The following RBFOX1 variants were observed in gnomAD, a reference collection of about 807,000 sequenced individuals.
RBFOX1 encodes the protein RNA binding protein fox-1 homolog 1.
RBFOX1 carries 8 observed loss-of-function variants against 57.7 expected under a neutral mutation model. The observed-to-expected ratio is 0.14, with a 90% CI of 0.08 to 0.25. The LOEUF is 0.25. RBFOX1 is among the 10% of genes least tolerant of loss of function. RBFOX1 has a pLI of 1.00. For synonymous variants in RBFOX1, 326 were observed against 222.4 expected (o/e 1.47, Z -4.15); for missense variants, 611 against 548.5 (o/e 1.11, Z -1.14).
At chr16:5,280,933 C>T (rs1413821226) in intron 1 of RBFOX1, among the ~76,000 whole-genome samples, 1 of 118,788 alleles carries the variant, frequency 8.4e-6, no homozygotes, top group African/African-American at 3.3e-5. Flanking sequence ...GTCTCTGTTG[C>T]ATTTGGTTCT....
intron 2 of RBFOX1, among the ~76,000 whole-genome samples, chr16:6,506,342 A>G (rs1239410025): frequency 6.6e-6 from 1 of 152,078 alleles, no homozygotes; most frequent in African/African-American, 2.4e-5. Context: ...CCAGACACTC[A>G]GATCTATGGG....
At chr16:5,916,843 C>T (rs936985901) in intron 4 of RBFOX1, among the ~76,000 whole-genome samples, 1 of 152,102 alleles carries the variant, frequency 6.6e-6, no homozygotes, top group Non-Finnish European at 1.5e-5. Flanking sequence ...ATCCTCTTAG[C>T]CAGGAGAGAG....
intron 2 of RBFOX1, among the ~76,000 whole-genome samples, chr16:6,445,710 G>A (rs2153035278): frequency 6.6e-6 from 1 of 152,086 alleles, no homozygotes; most frequent in East Asian, 1.9e-4. Flanking sequence ...AGCCTCCCGA[G>A]TAGCTGGGAC....
intron 3 of RBFOX1, among the ~76,000 whole-genome samples, chr16:6,855,829 C>G (rs1047627608): frequency 3.3e-5 from 5 of 150,916 alleles, no homozygotes; most frequent in African/African-American, 4.9e-5. Context: ...CTCCTTCCCT[C>G]CCTCCTTCCC....
intron 4 of RBFOX1, among the ~76,000 whole-genome samples, chr16:7,216,903 C>T (rs1455709559): frequency 6.6e-6 from 1 of 151,910 alleles, no homozygotes; most frequent in East Asian, 1.9e-4. Flanking sequence ...CATTACTTTC[C>T]CATTTTATAC....
intron 1 of RBFOX1, among the ~76,000 whole-genome samples, chr16:5,367,449 C>T (rs1283316207): frequency 2.0e-5 from 3 of 152,226 alleles, no homozygotes; most frequent in East Asian, 1.9e-4. Context: ...AGGTGACAGC[C>T]GAGTTGGCTG....
chr16:6,220,132 A>G (rs1464399967), intron 1 of RBFOX1, among the ~76,000 whole-genome samples: 1 of 152,042 alleles, frequency 6.6e-6, no homozygotes. Context: ...TCTGTATATC[A>G]TCTATCTCGA....
chr16:5,672,060 A>C (rs976851339), intron 3 of RBFOX1, among the ~76,000 whole-genome samples: 1 of 152,144 alleles, frequency 6.6e-6, no homozygotes, highest in Non-Finnish European at 1.5e-5. Context: ...AAGGGGTGCA[A>C]CTTTCTTGGA....
chr16:6,237,162 A>C (rs1481023707), intron 1 of RBFOX1, among the ~76,000 whole-genome samples: 1 of 152,222 alleles, frequency 6.6e-6, no homozygotes, highest in Non-Finnish European at 1.5e-5. Context: ...TCTTACTGGC[A>C]AGGGTACTTT....
At chr16:7,314,339 T>G (rs2096389718) in intron 4 of RBFOX1, among the ~76,000 whole-genome samples, 2 of 152,158 alleles carry the variant, frequency 1.3e-5, no homozygotes, top group Admixed American at 6.5e-5. Flanking sequence ...TAACGGAATT[T>G]CAGGGAGTGG....
At chr16:6,673,829 CAA>C (rs1568155459) in intron 3 of RBFOX1, among the ~76,000 whole-genome samples, 1 of 152,028 alleles carries the variant, frequency 6.6e-6, no homozygotes, top group Non-Finnish European at 1.5e-5. Flanking sequence ...GAATGATAGC[CAA>C]GACAGTGCTA....
intron 5 of RBFOX1, among the ~76,000 whole-genome samples, chr16:7,567,215 C>T (rs1015685814): frequency 3.5e-5 from 4 of 115,784 alleles, no homozygotes; most frequent in African/African-American, 1.3e-4. Flanking sequence ...ATATAAATAT[C>T]CATATATATA....
intron 3 of RBFOX1, among the ~76,000 whole-genome samples, chr16:6,876,130 C>T (rs949243581): frequency 2.0e-5 from 3 of 152,010 alleles, no homozygotes; most frequent in Non-Finnish European, 4.4e-5. Flanking sequence ...CTGCAGTGAG[C>T]CATGATTGCA....
chr16:5,786,966 T>C (rs2054523844), intron 3 of RBFOX1, among the ~76,000 whole-genome samples: 1 of 152,086 alleles, frequency 6.6e-6, no homozygotes, highest in African/African-American at 2.4e-5. Flanking sequence ...TGAAACCCCA[T>C]CTCTACTAAA....
intron 2 of RBFOX1, among the ~76,000 whole-genome samples, chr16:5,574,572 G>T (rs867170997): frequency 6.6e-6 from 1 of 151,850 alleles, no homozygotes; most frequent in African/African-American, 2.4e-5. Context: ...CTGCCACCAC[G>T]CCCAGCAATT....
intron 3 of RBFOX1, among the ~76,000 whole-genome samples, chr16:5,709,006 T>C (rs1449233478): frequency 6.6e-6 from 1 of 152,218 alleles, no homozygotes; most frequent in African/African-American, 2.4e-5. Flanking sequence ...TAATTTGTTC[T>C]TGAGACCCAA....
At chr16:6,793,671 T>G (rs2083391685) in intron 3 of RBFOX1, among the ~76,000 whole-genome samples, 1 of 152,202 alleles carries the variant, frequency 6.6e-6, no homozygotes, top group Admixed American at 6.5e-5. Context: ...TAACTTGCTC[T>G]GTAGGAAATG....
intron 1 of RBFOX1, among the ~76,000 whole-genome samples, chr16:6,308,113 C>T (rs1439771627): frequency 7.3e-5 from 11 of 150,708 alleles, no homozygotes; most frequent in Admixed American, 7.3e-4. Context: ...TATTTACATA[C>T]TTTTATAAAT....
intron 1 of RBFOX1, among the ~76,000 whole-genome samples, chr16:6,204,009 C>G (rs956961119): frequency 4.8e-5 from 7 of 144,950 alleles, no homozygotes; most frequent in African/African-American, 1.8e-4. Context: ...GAATGACTAA[C>G]AATCTACCAT....
Sources: allele counts gnomAD v4.1 joint callset (sites outside exome capture counted in the v4.1 genomes callset), GRCh38; gene constraint gnomAD v4.1.1; transcripts MANE v1.5; gene names NCBI Gene and HGNC (gene_info 2026-07-23, HGNC 2026-07-21).